Variants in ACTR3C observed in about 807,000 individuals in gnomAD.
The protein encoded by ACTR3C is actin-related protein 3C.
A neutral mutation model predicts 26.3 loss-of-function variants in ACTR3C; 18 were observed. The ratio of observed to expected loss-of-function variants is 0.68; its 90% confidence interval spans 0.47 to 1.01. The LOEUF is 1.01. Among genes scored for constraint, ACTR3C ranks in the 50% least tolerant of loss-of-function variants. ACTR3C has a pLI of 0.00. For missense variants in ACTR3C, 184 were observed against 250.7 expected, an observed-to-expected ratio of 0.73 and a Z score of 1.80; for synonymous variants, 55 against 94.5, an observed-to-expected ratio of 0.58 and a Z score of 2.42.
At chr7:150,017,970 C>CT in the ACTR3C span, among the ~76,000 whole-genome samples, 3 of 150,330 alleles carry the variant, frequency 2.0e-5, no homozygotes, top group Non-Finnish European at 4.4e-5. Context: ...CCTGATGTGT[C>CT]TTTTTTTACA....
chr7:149,928,883 C>A, the ACTR3C span, among the ~76,000 whole-genome samples: 1 of 151,818 alleles, frequency 6.6e-6, no homozygotes, highest in African/African-American at 2.4e-5. Context: ...TGGGAGTCAG[C>A]CTGAATGAGC....
the ACTR3C span, among the ~76,000 whole-genome samples, chr7:150,210,027 A>G: frequency 6.6e-6 from 1 of 151,666 alleles, no homozygotes; most frequent in East Asian, 1.9e-4. Context: ...CTCTCAACTC[A>G]GTAGAAACCA....
intron 1 of ACTR3C, among the ~76,000 whole-genome samples, chr7:150,313,238 G>A (rs1301881097): frequency 6.6e-6 from 1 of 152,104 alleles, no homozygotes; most frequent in Non-Finnish European, 1.5e-5. Flanking sequence ...TAGCCTTACT[G>A]CTCACACAAA....
At chr7:149,992,660 C>T in the ACTR3C span, among the ~76,000 whole-genome samples, 1 of 152,180 alleles carries the variant, frequency 6.6e-6, no homozygotes, top group Admixed American at 6.5e-5. Context: ...CCGTGAGGCC[C>T]CGTAGAAGTG....
the ACTR3C span, among the ~76,000 whole-genome samples, chr7:150,057,772 A>G: frequency 1.3e-5 from 2 of 152,260 alleles, no homozygotes; most frequent in Non-Finnish European, 2.9e-5. Flanking sequence ...GGCATAGAGC[A>G]TCTCAATGGG....
chr7:150,094,215 C>G, the ACTR3C span, among the ~76,000 whole-genome samples: 1 of 150,222 alleles, frequency 6.7e-6, no homozygotes, highest in Non-Finnish European at 1.5e-5. Flanking sequence ...AGCAGTTGAG[C>G]ACACCTGTGG....
chr7:150,006,257 C>T, the ACTR3C span, among the ~76,000 whole-genome samples: 8 of 148,768 alleles, frequency 5.4e-5, no homozygotes, highest in African/African-American at 7.5e-5. Flanking sequence ...AGTGCAGTGG[C>T]GCAATCTCGG....
chr7:150,221,176 G>A, the ACTR3C span, among the ~76,000 whole-genome samples: 1 of 152,228 alleles, frequency 6.6e-6, no homozygotes, highest in African/African-American at 2.4e-5. Flanking sequence ...TTGGTTGGCG[G>A]CCCAATTGGC....
At chr7:149,934,143 T>C in the ACTR3C span, among the ~76,000 whole-genome samples, 1 of 151,572 alleles carries the variant, frequency 6.6e-6, no homozygotes, top group Non-Finnish European at 1.5e-5. Flanking sequence ...AGAGTTCCAC[T>C]CAACACCAGC....
intron 1 of ACTR3C, among the ~76,000 whole-genome samples, chr7:150,299,333 C>G (rs970618446): frequency 6.6e-5 from 10 of 151,114 alleles, no homozygotes; most frequent in Non-Finnish European, 8.9e-5. Context: ...TGCCTGTAGT[C>G]CCAGCTACTC....
At chr7:150,176,351 C>A in the ACTR3C span, among the ~76,000 whole-genome samples, 4 of 150,658 alleles carry the variant, frequency 2.7e-5, no homozygotes, top group Non-Finnish European at 5.9e-5. Context: ...TCACCAGACA[C>A]CTTTGTTATG....
At position 150,306,077 on chromosome 7, in the gene ACTR3C, C is replaced by A. The variant is rs2531006; in HGVS notation, c.-51-10730G>T. On this transcript the variant is annotated intron_variant, in intron 1 of 7. Transcript: ENST00000683684. Reference sequence around the variant, plus strand: ...AATGACTTGCAGAATTCAAAGCACACCACATGTAATACGATATTTTCTTAT... The same window carrying A: ...AATGACTTGCAGAATTCAAAGCACAACACATGTAATACGATATTTTCTTAT... Among the ~76,000 whole-genome samples the A allele has an allele frequency of 7.1e-3, 1,087 of 152,294 alleles. 20 individuals carry two copies. The highest frequency in any genetic ancestry group is 0.024 in the African/African-American group (996 of 41,532).
the ACTR3C span, among the ~76,000 whole-genome samples, chr7:150,037,794 C>T: frequency 2.7e-5 from 1 of 37,322 alleles, no homozygotes; most frequent in South Asian, 7.1e-4. Context: ...TGGGGGTCCC[C>T]AGAGCCAGCG....
At chr7:150,038,334 G>A in the ACTR3C span, among the ~76,000 whole-genome samples, 8 of 144,170 alleles carry the variant, frequency 5.5e-5, 1 homozygote, top group African/African-American at 1.9e-4. Context: ...TAAAAGTCCA[G>A]CTGCCATCTT....
chr7:150,144,941 T>C, the ACTR3C span, among the ~76,000 whole-genome samples: 1 of 150,676 alleles, frequency 6.6e-6, no homozygotes, highest in Non-Finnish European at 1.5e-5. This position sits in a 1 kb window ranked among gnomAD's most constrained non-coding sequence, Gnocchi z 4.6. Flanking sequence ...TCCCAGCTAC[T>C]AGGACGGCTG....
intron 6 of ACTR3C, among the ~76,000 whole-genome samples, chr7:150,270,728 T>G (rs1402066393): frequency 6.6e-6 from 1 of 151,916 alleles, no homozygotes; most frequent in African/African-American, 2.4e-5. Context: ...ATTTGTAAAG[T>G]AGCTCTCCCT....
chr7:150,217,935 T>C, the ACTR3C span, among the ~76,000 whole-genome samples: 1 of 152,168 alleles, frequency 6.6e-6, no homozygotes. Flanking sequence ...GAACAAATGA[T>C]AAGAATTTGC....
chr7:150,222,852 C>T, the ACTR3C span, among the ~76,000 whole-genome samples: 2 of 152,178 alleles, frequency 1.3e-5, no homozygotes, highest in Admixed American at 6.5e-5. Flanking sequence ...AGTAAAATAA[C>T]AGCAATTTTT....
chr7:150,267,877 T>C (rs1834159063), intron 6 of ACTR3C, among the ~76,000 whole-genome samples: 1 of 152,202 alleles, frequency 6.6e-6, no homozygotes, highest in African/African-American at 2.4e-5. Flanking sequence ...CAGCGATGGT[T>C]CCCTTCTGTA....
Sources: allele counts gnomAD v4.1 joint callset (sites outside exome capture counted in the v4.1 genomes callset), GRCh38; gene constraint gnomAD v4.1.1; non-coding constraint Gnocchi (gnomAD v3.1); transcripts MANE v1.5; gene names NCBI Gene and HGNC (gene_info 2026-07-23, HGNC 2026-07-21).